The following CDH18 variants were observed in gnomAD, a reference collection of about 807,000 sequenced individuals.
CDH18 encodes cadherin-18.
CDH18 carries 31 observed loss-of-function variants against 67.9 expected under a neutral mutation model. The observed-to-expected ratio is 0.46, with a 90% CI of 0.34 to 0.62. The LOEUF (loss-of-function observed/expected upper bound fraction) is 0.62. CDH18 is among the 20% of genes least tolerant of loss of function. The probability of loss-of-function intolerance (pLI) is 0.01; values close to 1 mark genes in which losing one functional copy is unlikely to be tolerated. For synonymous variants in CDH18, 362 were observed against 347.2 expected (o/e 1.04, Z -0.48); for missense variants, 890 against 975.5 (o/e 0.91, Z 1.17).
At chr5:19,674,758 G>A (rs1418461605) in intron 5 of CDH18, among the ~76,000 whole-genome samples, 1 of 152,004 alleles carries the variant, frequency 6.6e-6, no homozygotes, top group Non-Finnish European at 1.5e-5. Flanking sequence ...ATAATCTGTT[G>A]GTAGCAAAAA....
intron 2 of CDH18, among the ~76,000 whole-genome samples, chr5:20,053,087 AG>A (rs1466424219): frequency 6.6e-6 from 1 of 151,862 alleles, no homozygotes; most frequent in Non-Finnish European, 1.5e-5. Context: ...CTAAGAAAAA[AG>A]GCTTATGAAA....
At chr5:19,753,101 G>A (rs144501723) in intron 3 of CDH18, among the ~76,000 whole-genome samples, 8 of 152,196 alleles carry the variant, frequency 5.3e-5, no homozygotes, top group Admixed American at 3.3e-4. Context: ...ACCAACTCTG[G>A]TAATATGACA....
intron 2 of CDH18, among the ~76,000 whole-genome samples, chr5:20,065,250 T>C (rs1043286316): frequency 4.6e-5 from 7 of 152,052 alleles, no homozygotes; most frequent in African/African-American, 1.4e-4. Context: ...TATAAAATCT[T>C]ATTGGGGGAA....
intron 2 of CDH18, among the ~76,000 whole-genome samples, chr5:20,218,541 T>C (rs1740963790): frequency 6.6e-6 from 1 of 152,020 alleles, no homozygotes; most frequent in African/African-American, 2.4e-5. Flanking sequence ...TTGCTGTGTG[T>C]CCCCACCCAA....
chr5:20,284,315 T>G (rs1244036837), intron 1 of CDH18, among the ~76,000 whole-genome samples: 1 of 152,032 alleles, frequency 6.6e-6, no homozygotes, highest in African/African-American at 2.4e-5. Context: ...TAACCTGATG[T>G]GGTGCATGCC....
At chr5:20,510,122 T>C (rs1250029543) in intron 1 of CDH18, among the ~76,000 whole-genome samples, 1 of 152,166 alleles carries the variant, frequency 6.6e-6, no homozygotes, top group Non-Finnish European at 1.5e-5. Flanking sequence ...TAGTTTTAAT[T>C]TGCATTTCCT....
Position 19,984,186 on chromosome 5 carries a change from CCTCT to C in CDH18, c.-375-3012_-375-3009del, listed in dbSNP as rs567747918. Among the ~76,000 whole-genome samples, 796 of 151,808 alleles carry C rather than the reference CCTCT, an allele frequency of 5.2e-3. 2 individuals carry two copies. Among genetic ancestry groups the C allele is most frequent in the Non-Finnish European group, 9.4e-3 (636 of 67,868 alleles). ...GCACATGGGTTTATGTGACTGTATG[CCTCT>C]CTATGTATATCACTATATCTTTCTA... On this transcript the variant is annotated intron_variant, in intron 1 of 12. Coordinates refer to ENST00000382275, the MANE Select transcript of CDH18 (RefSeq NM_004934.5).
intron 2 of CDH18, among the ~76,000 whole-genome samples, chr5:20,153,621 G>C (rs992126854): frequency 1.3e-5 from 2 of 152,172 alleles, no homozygotes; most frequent in African/African-American, 4.8e-5. Flanking sequence ...AGTTGTGAAG[G>C]CTGGAAGTCC....
intron 4 of CDH18, among the ~76,000 whole-genome samples, chr5:19,734,600 T>C (rs1768054474): frequency 6.6e-6 from 1 of 152,212 alleles, no homozygotes; most frequent in Admixed American, 6.5e-5. Context: ...AAAGCTTCAA[T>C]TTAATAAGTT....
At chr5:20,210,289 C>T (rs1259522552) in intron 2 of CDH18, among the ~76,000 whole-genome samples, 1 of 151,826 alleles carries the variant, frequency 6.6e-6, no homozygotes, top group Non-Finnish European at 1.5e-5. Flanking sequence ...ATTCTTTTGA[C>T]ATAGAACACA....
intron 5 of CDH18, among the ~76,000 whole-genome samples, chr5:19,626,394 A>G (rs912559412): frequency 6.6e-6 from 1 of 152,188 alleles, no homozygotes; most frequent in Non-Finnish European, 1.5e-5. Flanking sequence ...GGAGATGGAG[A>G]AAGACTTTTG....
chr5:19,657,299 A>C (rs1756538305), intron 5 of CDH18, among the ~76,000 whole-genome samples: 1 of 152,160 alleles, frequency 6.6e-6, no homozygotes, highest in Non-Finnish European at 1.5e-5. Flanking sequence ...TCAAAGTTTT[A>C]AAATCAATTA....
chr5:20,562,580 CTAATA>C (rs1226090365), intron 1 of CDH18, among the ~76,000 whole-genome samples: 3 of 151,366 alleles, frequency 2.0e-5, no homozygotes, highest in African/African-American at 2.4e-5. Flanking sequence ...ACGTTATATT[CTAATA>C]TATCTTATAA....
chr5:19,841,481 T>A (rs759374826), intron 2 of CDH18, among the ~76,000 whole-genome samples: 13 of 151,918 alleles, frequency 8.6e-5, no homozygotes, highest in Non-Finnish European at 1.8e-4. Context: ...TATTTAATAT[T>A]CTTTCCAGCA....
rs1388726213 is a variant in CDH18, at chr5:20,573,838, T to C, written c.-580+1624A>G. Among the ~76,000 whole-genome samples, 3 of 30,020 alleles carry C rather than the reference T, an allele frequency of 1.0e-4. No individual in the cohort carries two copies. In the East Asian group the frequency reaches 1.0e-3, roughly 10 times the overall value. The allele number at this position is 30,020 out of a possible 152,430, so 19.7% of individuals were successfully genotyped here. On this transcript the variant is annotated intron_variant, in intron 1 of 14. Coordinates refer to the CDH18 transcript ENST00000507958. ...ATATATATATATATATATATATATA[T>C]ATATATGTATTTATATATAAAAGAA...
chr5:20,138,795 C>T (rs1254575062), intron 2 of CDH18, among the ~76,000 whole-genome samples: 1 of 152,124 alleles, frequency 6.6e-6, no homozygotes, highest in African/African-American at 2.4e-5. Flanking sequence ...CTACAAACCA[C>T]TGCTCAATGA....
At chr5:20,348,525 G>A (rs1740892867) in intron 1 of CDH18, among the ~76,000 whole-genome samples, 1 of 152,144 alleles carries the variant, frequency 6.6e-6, no homozygotes, top group South Asian at 2.1e-4. Flanking sequence ...TTGTTGCTCT[G>A]ACAAAGATAG....
intron 1 of CDH18, among the ~76,000 whole-genome samples, chr5:20,329,233 A>G (rs1460427441): frequency 2.0e-5 from 3 of 152,190 alleles, no homozygotes; most frequent in Non-Finnish European, 4.4e-5. Flanking sequence ...TGGGAGGAAC[A>G]AAGAGAATGA....
intron 3 of CDH18, among the ~76,000 whole-genome samples, chr5:19,751,031 C>A (rs12109816): frequency 1.4e-4 from 22 of 152,036 alleles, no homozygotes; most frequent in South Asian, 1.0e-3. Context: ...AAAATGCAGT[C>A]ACCCTAGTGA....
Sources: gnomAD v4.1 joint callset for allele counts (sites outside exome capture counted in the v4.1 genomes callset) on GRCh38, gnomAD v4.1.1 for gene constraint, MANE v1.5 for transcripts, NCBI Gene and HGNC (gene_info 2026-07-23, HGNC 2026-07-21) for gene names.